The following ADCY3 variants were observed in gnomAD, a reference collection of about 807,000 sequenced individuals.
ADCY3 encodes adenylate cyclase 3.
A neutral mutation model predicts 119.4 loss-of-function variants in ADCY3; 70 were observed. That is an observed-to-expected ratio of 0.59 (90% CI 0.48 to 0.72). ADCY3 has a LOEUF of 0.72. Among genes scored for constraint, ADCY3 ranks in the 30% least tolerant of loss-of-function variants. The pLI is 0.00. For synonymous variants in ADCY3, 672 were observed against 621.4 expected (o/e 1.08, Z -1.21); for missense variants, 1,238 against 1,541.6 (o/e 0.80, Z 3.30).
intron 3 of ADCY3, among the ~76,000 whole-genome samples, chr2:24,853,776 G>A (rs938374949): frequency 1.4e-4 from 21 of 152,256 alleles, no homozygotes; most frequent in African/African-American, 4.3e-4. Context: ...ATGAGCCACC[G>A]TACCCGGCCA....
chr2:24,828,132 G>A lies in ADCY3; in HGVS notation c.2202C>T (p.Pro734=), dbSNP rs970587123. ...TTTCCATCCCTGCCGTTGCATTGCT[G>A]GGTCCCGTGTAGTACTGGAGACAGC... ...MLSCLQYYTG[P]SNATAGMETE... is the part of the protein sequence containing the mutation. The change falls in exon 14 of 22, where the codon CCC becomes CCT. Residue 734 remains proline (P), a synonymous_variant. Transcript: ENST00000679454. 6.2e-7 allele frequency: 1 copy of A among 1,614,032 alleles called. No individual in the cohort carries two copies. Among genetic ancestry groups the A allele is most frequent in the Non-Finnish European group, 8.5e-7 (1 of 1,180,026 alleles).
intron 2 of ADCY3, among the ~76,000 whole-genome samples, chr2:24,911,217 C>CTTTTTT (rs61442701): frequency 1.2e-4 from 11 of 93,470 alleles, no homozygotes; most frequent in African/African-American, 1.9e-4. Flanking sequence ...TATAAGGGTT[C>CTTTTTT]TTTTTTTTTT....
At chr2:24,915,992 G>C (rs1664401109) in intron 2 of ADCY3, among the ~76,000 whole-genome samples, 1 of 152,170 alleles carries the variant, frequency 6.6e-6, no homozygotes, top group Non-Finnish European at 1.5e-5. Flanking sequence ...CCCACTGTAA[G>C]CTGGGGCCTC....
chr2:24,900,881 A>G (rs769086741), intron 2 of ADCY3, among the ~76,000 whole-genome samples: 11 of 152,184 alleles, frequency 7.2e-5, no homozygotes, highest in Admixed American at 2.0e-4. Flanking sequence ...CCTGGCCAAC[A>G]TGGTGAAACC....
At chr2:24,887,631 C>T (rs7583654) in intron 2 of ADCY3, among the ~76,000 whole-genome samples, 15,137 of 151,868 alleles carry the variant, frequency 0.1, 2,395 homozygotes, top group African/African-American at 0.34. Flanking sequence ...CCCACTCCCC[C>T]CCGACACACA....
At position 24,842,190 on chromosome 2, in the gene ADCY3, C is replaced by T. The variant is rs1558439337; in HGVS notation, c.956+64G>A. 6.2e-7 allele frequency: 1 copy of T among 1,606,492 alleles called. No individual in the cohort carries two copies. Among genetic ancestry groups the T allele is most frequent in the Non-Finnish European group, 8.5e-7 (1 of 1,177,396 alleles). ...TGAAGCCCACAGCACCTAGCGGGTC[C>T]CACAAAGATGCAGCCCTCCACAGCC... On this transcript the variant is annotated intron_variant, in intron 4 of 21. Transcript: ENST00000679454. This position sits in a 1 kb window ranked among gnomAD's most constrained non-coding sequence, Gnocchi z 4.9.
Position 24,856,496 on chromosome 2 carries a change from G to A in ADCY3, c.826-14112C>T, listed in dbSNP as rs367790509. On this transcript the variant is annotated intron_variant, in intron 3 of 21. Coordinates refer to ENST00000679454, the MANE Select transcript of ADCY3 (RefSeq NM_004036.5). ...AAAAGTCACTGCACCCCACCAGGGC[G>A]TCCATCATGGCCTGACTACCTAAGC... Among the ~76,000 whole-genome samples the A allele has an allele frequency of 1.4e-4, 21 of 152,284 alleles. 2 individuals are homozygous for A. The highest frequency in any genetic ancestry group is 2.6e-4 in the Admixed American group (4 of 15,294).
intron 3 of ADCY3, among the ~76,000 whole-genome samples, chr2:24,846,514 G>A (rs1671662554): frequency 6.6e-6 from 1 of 152,064 alleles, no homozygotes; most frequent in South Asian, 2.1e-4. Context: ...TCTCCCATTT[G>A]GAATGGCTAT....
intron 2 of ADCY3, among the ~76,000 whole-genome samples, chr2:24,885,286 G>A (rs1199440059): frequency 6.6e-6 from 1 of 152,182 alleles, no homozygotes; most frequent in East Asian, 1.9e-4. Context: ...GGAACCAGAG[G>A]CCCAGACACT....
chr2:24,909,835 C>T (rs1048544206), intron 2 of ADCY3, among the ~76,000 whole-genome samples: 1 of 152,206 alleles, frequency 6.6e-6, no homozygotes, highest in Non-Finnish European at 1.5e-5. Context: ...CCCTTACACA[C>T]GCTACTCAAA....
intron 18 of ADCY3, 113 bp downstream of exon 18, chr2:24,823,096 G>C: frequency 7.6e-7 from 1 of 1,323,606 alleles, no homozygotes; most frequent in Non-Finnish European, 1.0e-6. Context: ...ATTGCGGAAG[G>C]GGCTTATCTG....
chr2:24,824,181 T>C (rs1253347930), intron 17 of ADCY3, among the ~76,000 whole-genome samples, 197 bp downstream of exon 17: 2 of 152,244 alleles, frequency 1.3e-5, no homozygotes, highest in Non-Finnish European at 2.9e-5. Flanking sequence ...CACATCACGA[T>C]GCCTACAGCA....
At chr2:24,879,198 C>A (rs923735940) in intron 2 of ADCY3, among the ~76,000 whole-genome samples, 1 of 152,106 alleles carries the variant, frequency 6.6e-6, no homozygotes, top group African/African-American at 2.4e-5. Flanking sequence ...CTGGGCCGGG[C>A]GCGGTGGCTC....
intron 3 of ADCY3, among the ~76,000 whole-genome samples, chr2:24,864,000 T>C (rs115001828): frequency 0.027 from 4,104 of 152,312 alleles, 185 homozygotes; most frequent in African/African-American, 0.092. Context: ...TGAAGCTCTA[T>C]AGGAGGCCGG....
At chr2:24,882,220 T>C (rs1203973347) in intron 2 of ADCY3, among the ~76,000 whole-genome samples, 1 of 152,112 alleles carries the variant, frequency 6.6e-6, no homozygotes, top group Non-Finnish European at 1.5e-5. Flanking sequence ...GGGGTGTAGA[T>C]GGTCAAAACC....
Position 24,830,692 on chromosome 2 carries a change from G to A in ADCY3, c.2172+17C>T. 1 of 1,605,236 alleles carries A rather than the reference G, an allele frequency of 6.2e-7. No homozygotes were observed. The highest frequency in any genetic ancestry group is 8.5e-7 in the Non-Finnish European group (1 of 1,172,758). On this transcript the variant is annotated intron_variant, in intron 13 of 21. Coordinates refer to ENST00000679454, the MANE Select transcript of ADCY3 (RefSeq NM_004036.5). Reference sequence around the variant, plus strand: ...GAGAACAGGGGCGTCCCTTCAACAAGGACAGCAGGAGCTCACCATGTCCAC... The same window carrying A: ...GAGAACAGGGGCGTCCCTTCAACAAAGACAGCAGGAGCTCACCATGTCCAC...
chr2:24,902,134 G>A (rs6719064), intron 2 of ADCY3, among the ~76,000 whole-genome samples: 45,348 of 141,992 alleles, frequency 0.32, 7,484 homozygotes, highest in East Asian at 0.37. Flanking sequence ...AGGTTGGAGT[G>A]CAGTGTTGTG....
chr2:24,828,915 G>A (rs2148442110), intron 13 of ADCY3, among the ~76,000 whole-genome samples: 1 of 152,326 alleles, frequency 6.6e-6, no homozygotes, highest in Non-Finnish European at 1.5e-5. Flanking sequence ...TGACATGCAG[G>A]GGGCCTGGGG....
At chr2:24,887,735 A>G (rs1401468305) in intron 2 of ADCY3, among the ~76,000 whole-genome samples, 1 of 152,112 alleles carries the variant, frequency 6.6e-6, no homozygotes, top group Non-Finnish European at 1.5e-5. Context: ...TTTCATCTCC[A>G]TCATGGGCCT....
Sources: gnomAD v4.1 joint callset for allele counts (sites outside exome capture counted in the v4.1 genomes callset) on GRCh38, gnomAD v4.1.1 for gene constraint, Gnocchi (gnomAD v3.1) non-coding constraint, MANE v1.5 for transcripts, NCBI Gene and HGNC (gene_info 2026-07-23, HGNC 2026-07-21) for gene names.